Variants in KIAA1217 observed in about 807,000 individuals in gnomAD.
The protein encoded by KIAA1217 is KIAA1217.
In KIAA1217, 88 loss-of-function variants were observed where a neutral mutation model predicts 163.9. The ratio of observed to expected loss-of-function variants is 0.54; its 90% CI spans 0.45 to 0.64. KIAA1217 has a LOEUF of 0.64. KIAA1217 is among the 30% of genes least tolerant of loss of function. KIAA1217 has a pLI of 0.00. For synonymous variants in KIAA1217, 903 were observed against 923.1 expected, an observed-to-expected ratio of 0.98 and a Z score of 0.39; for missense variants, 2,372 against 2,475.0, an observed-to-expected ratio of 0.96 and a Z score of 0.88.
chr10:24,012,010 AT>A (rs1847256210), intron 2 of KIAA1217, among the ~76,000 whole-genome samples: 2 of 152,192 alleles, frequency 1.3e-5, no homozygotes, highest in Non-Finnish European at 2.9e-5. Flanking sequence ...CCAAGGAAAA[AT>A]AAAAGGAAAG....
At chr10:24,355,865 C>T (rs1225680266) in intron 2 of KIAA1217, among the ~76,000 whole-genome samples, 2 of 147,366 alleles carry the variant, frequency 1.4e-5, no homozygotes, top group African/African-American at 2.5e-5. Context: ...TCTCCTGCTT[C>T]AGCCTCCCCA....
At chr10:24,141,576 C>A (rs954818592) in intron 2 of KIAA1217, among the ~76,000 whole-genome samples, 1 of 152,282 alleles carries the variant, frequency 6.6e-6, no homozygotes, top group Middle Eastern at 3.4e-3. Flanking sequence ...ATTGTGTGTG[C>A]TTTGTTCTGA....
chr10:23,950,494 GGA>G (rs201903221), intron 1 of KIAA1217, among the ~76,000 whole-genome samples: 1 of 150,354 alleles, frequency 6.7e-6, no homozygotes, highest in Non-Finnish European at 1.5e-5. Flanking sequence ...ATACGGGAGG[GGA>G]AAAAAAAACA....
intron 2 of KIAA1217, among the ~76,000 whole-genome samples, chr10:24,364,056 G>T (rs1033556276): frequency 6.6e-6 from 1 of 150,480 alleles, no homozygotes; most frequent in Non-Finnish European, 1.5e-5. Context: ...TTGGCTCGCC[G>T]CAACCTCCGC....
intron 2 of KIAA1217, among the ~76,000 whole-genome samples, chr10:24,097,900 G>C (rs10828599): frequency 6.6e-6 from 1 of 151,894 alleles, no homozygotes. Context: ...GAACAGCCAC[G>C]GCACCAATGG....
At chr10:24,147,642 A>G (rs2064380912) in intron 2 of KIAA1217, among the ~76,000 whole-genome samples, 1 of 151,934 alleles carries the variant, frequency 6.6e-6, no homozygotes, top group Admixed American at 6.6e-5. Flanking sequence ...CAGGGGTTTG[A>G]GACCAGCCTG....
chr10:23,854,203 G>T (rs1588953718), intron 1 of KIAA1217, among the ~76,000 whole-genome samples: 1 of 152,072 alleles, frequency 6.6e-6, no homozygotes, highest in South Asian at 2.1e-4. Context: ...CAGAGATTCT[G>T]ATATGTTGTG....
chr10:23,801,760 C>G (rs946299149), intron 1 of KIAA1217, among the ~76,000 whole-genome samples: 1 of 152,176 alleles, frequency 6.6e-6, no homozygotes, highest in Non-Finnish European at 1.5e-5. Context: ...AAGTAAGTAA[C>G]GTGCTTAAGG....
At chr10:24,398,098 C>G (rs754369821) in intron 3 of KIAA1217, among the ~76,000 whole-genome samples, 50 of 152,194 alleles carry the variant, frequency 3.3e-4, no homozygotes, top group Admixed American at 1.1e-3. Context: ...CAAAACTTAA[C>G]TACTAATAGC....
At chr10:24,256,844 C>T (rs2131622785) in intron 2 of KIAA1217, among the ~76,000 whole-genome samples, 1 of 152,186 alleles carries the variant, frequency 6.6e-6, no homozygotes, top group Non-Finnish European at 1.5e-5. Flanking sequence ...AATGCATGGC[C>T]AAGATATGGA....
intron 2 of KIAA1217, among the ~76,000 whole-genome samples, chr10:24,285,608 C>T (rs539577221): frequency 6.6e-6 from 1 of 152,300 alleles, no homozygotes; most frequent in East Asian, 1.9e-4. Context: ...ATTTTGGTTA[C>T]TGTAGCCTTG....
intron 2 of KIAA1217, among the ~76,000 whole-genome samples, chr10:24,124,464 G>A (rs556799220): frequency 1.3e-5 from 2 of 151,756 alleles, no homozygotes; most frequent in Non-Finnish European, 2.9e-5. Context: ...TCATGATTAG[G>A]AACGCTTGTC....
chr10:23,904,958 T>TA (rs2131254263), intron 1 of KIAA1217, among the ~76,000 whole-genome samples: 1 of 145,448 alleles, frequency 6.9e-6, no homozygotes, highest in African/African-American at 2.5e-5. Flanking sequence ...CTAAATCTTC[T>TA]TTTTTTTTTT....
chr10:24,218,612 C>T lies in KIAA1217; in HGVS notation c.71-1014C>T, dbSNP rs187768215. Reference sequence around the variant, plus strand: ...CACGCCATTCTCCTGCCTCAGCCTCCCGAGTAGCTGGGACTACAGGTGCCC... The same window carrying T: ...CACGCCATTCTCCTGCCTCAGCCTCTCGAGTAGCTGGGACTACAGGTGCCC... On this transcript the variant is annotated intron_variant, in intron 1 of 20. Coordinates refer to ENST00000376454, the MANE Select transcript of KIAA1217 (RefSeq NM_019590.5). Among the ~76,000 whole-genome samples, 543 of 152,130 alleles carry T rather than the reference C, an allele frequency of 3.6e-3. 12 individuals are homozygous for T. The East Asian group carries it at 0.055, about 15-fold the overall frequency.
intron 1 of KIAA1217, among the ~76,000 whole-genome samples, chr10:23,990,870 G>T (rs985190953): frequency 1.3e-5 from 2 of 152,126 alleles, no homozygotes; most frequent in African/African-American, 4.8e-5. Flanking sequence ...AAGAAAGTGG[G>T]TTATAAGAGT....
intron 1 of KIAA1217, among the ~76,000 whole-genome samples, chr10:23,895,466 T>C (rs1487387007): frequency 6.6e-6 from 1 of 152,108 alleles, no homozygotes; most frequent in African/African-American, 2.4e-5. Context: ...CCAGTTAGAA[T>C]GGCAATCATT....
At chr10:24,531,775 T>G (rs2073164145) in intron 14 of KIAA1217, 55 bp from the exon 15 acceptor site, 8 of 1,483,458 alleles carry the variant, frequency 5.4e-6, no homozygotes, top group Non-Finnish European at 6.3e-6. Context: ...ATACCAGACT[T>G]TCTGGATGTT....
At chr10:24,168,449 AG>A (rs2065461053) in intron 2 of KIAA1217, among the ~76,000 whole-genome samples, 1 of 152,232 alleles carries the variant, frequency 6.6e-6, no homozygotes, top group Non-Finnish European at 1.5e-5. Context: ...CTTAAGCAGA[AG>A]CTGAAATCCA....
intron 1 of KIAA1217, among the ~76,000 whole-genome samples, chr10:23,928,343 A>T (rs1237585190): frequency 6.6e-6 from 1 of 152,196 alleles, no homozygotes; most frequent in Non-Finnish European, 1.5e-5. Context: ...GTTACCTGAG[A>T]AAGCAGCTTC....
Sources: gnomAD v4.1 joint callset for allele counts (sites outside exome capture counted in the v4.1 genomes callset) on GRCh38, gnomAD v4.1.1 for gene constraint, MANE v1.5 for transcripts, NCBI Gene and HGNC (gene_info 2026-07-23, HGNC 2026-07-21) for gene names.